The following YIPF1 variants were observed in gnomAD, a reference collection of about 807,000 sequenced individuals.
YIPF1 encodes protein YIPF1.
A neutral mutation model predicts 37.0 loss-of-function variants in YIPF1; 22 were observed. That is an observed-to-expected ratio of 0.59 (90% CI 0.42 to 0.85). YIPF1 has a LOEUF of 0.85. YIPF1 is among the 40% of genes least tolerant of loss of function. The probability of loss-of-function intolerance (pLI) is 0.00; values close to 1 mark genes in which losing one functional copy is unlikely to be tolerated. For missense variants in YIPF1, 355 were observed against 373.1 expected (o/e 0.95, Z 0.40); for synonymous variants, 128 against 131.9 (o/e 0.97, Z 0.21).
In YIPF1 at chr1:53,878,411, C is replaced by T; in HGVS notation, c.277-9G>A. 6.2e-7 allele frequency: 1 copy of T among 1,612,608 alleles called. No individual in the cohort carries two copies. Among genetic ancestry groups the T allele is most frequent in the Non-Finnish European group, 8.5e-7 (1 of 1,179,616 alleles). The stretch of plus-strand genomic sequence containing the variant: ...TTAATTCTGTCAAAGACCTGGAAAA[C>T]ATCATAGCAGTAATTCTACTGAAGT... On this transcript the variant is annotated splice_polypyrimidine_tract_variant and intron_variant, in intron 5 of 10. Coordinates refer to ENST00000072644, the MANE Select transcript of YIPF1 (RefSeq NM_018982.5).
chr1:53,864,034 G>A (rs1345335092), intron 9 of YIPF1, among the ~76,000 whole-genome samples: 2 of 152,182 alleles, frequency 1.3e-5, no homozygotes, highest in African/African-American at 4.8e-5. Context: ...GAGCCACCAA[G>A]CCTGGCCTGA....
At chr1:53,861,218 T>C (rs1392439800) in intron 9 of YIPF1, among the ~76,000 whole-genome samples, 1 of 152,176 alleles carries the variant, frequency 6.6e-6, no homozygotes. Flanking sequence ...TTTAAGAGGC[T>C]TCCTCCTTAG....
intron 10 of YIPF1, among the ~76,000 whole-genome samples, chr1:53,855,827 C>A (rs576310560): frequency 4.5e-4 from 69 of 152,304 alleles, no homozygotes; most frequent in Admixed American, 4.2e-3. Flanking sequence ...CAATGCATGA[C>A]TGTAACTGGA....
At chr1:53,857,132 A>C (rs1649739848) in intron 10 of YIPF1, among the ~76,000 whole-genome samples, 1 of 152,188 alleles carries the variant, frequency 6.6e-6, no homozygotes, top group Admixed American at 6.5e-5. Flanking sequence ...AAGCCACAGG[A>C]ATTGAATCCT....
chr1:53,888,302 T>C (rs1650710110), intron 3 of YIPF1, among the ~76,000 whole-genome samples: 1 of 152,180 alleles, frequency 6.6e-6, no homozygotes, highest in Non-Finnish European at 1.5e-5. Flanking sequence ...AGTCCTAATA[T>C]CTCCTTGAAC....
In YIPF1 at chr1:53,883,381, C is replaced by A. The variant is rs1040943554; in HGVS notation, c.32-105G>T. 2.0e-5 allele frequency: 25 copies of A among 1,257,380 alleles called. No homozygotes were observed. In the East Asian group the frequency reaches 3.3e-4, roughly 17 times the overall value. 77.9% of individuals were successfully genotyped at this position (1,257,380 alleles called of 1,614,324 possible). A position where few individuals can be genotyped will look rare whatever the true frequency, so the allele number is the denominator to read the frequency against. ...GTCACAACCTCAGCTTTGCTATAGA[C>A]CCTACCTGATACAAAGGGCAAAAGC... is the stretch of plus-strand genomic sequence containing the variant. On this transcript the variant is annotated intron_variant, in intron 3 of 10. Coordinates refer to ENST00000072644, the MANE Select transcript of YIPF1 (RefSeq NM_018982.5).
intron 3 of YIPF1, among the ~76,000 whole-genome samples, chr1:53,883,689 G>T (rs748204521): frequency 2.0e-5 from 3 of 152,162 alleles, no homozygotes; most frequent in Non-Finnish European, 4.4e-5. Flanking sequence ...TTTAATGAAG[G>T]TTATTTTTTC....
In YIPF1 at chr1:53,871,358, A is replaced by C; in HGVS notation, c.481+14T>G. The C allele has an allele frequency of 6.2e-7, 1 of 1,607,262 alleles. No homozygotes were observed. The highest frequency in any genetic ancestry group is 1.1e-5 in the South Asian group (1 of 90,734). ...AACTGACAGCATTCCAAATGAGTCAAGCTATTCACCAACCTTTTCGGAATT... is the reference window on the plus strand; with the variant it reads ...AACTGACAGCATTCCAAATGAGTCACGCTATTCACCAACCTTTTCGGAATT... On this transcript the variant is annotated intron_variant, in intron 7 of 10. Transcript: ENST00000072644.
At chr1:53,888,768 C>T (rs1650723409) in intron 3 of YIPF1, 139 bp downstream of exon 3, 10 of 825,828 alleles carry the variant, frequency 1.2e-5, no homozygotes, top group Non-Finnish European at 1.8e-5. Context: ...AAACAGGAAA[C>T]ACCTGGATGT....
intron 10 of YIPF1, among the ~76,000 whole-genome samples, chr1:53,852,612 A>G (rs1448172901): frequency 6.6e-6 from 1 of 152,188 alleles, no homozygotes; most frequent in Non-Finnish European, 1.5e-5. Context: ...AGGAGAAAAG[A>G]TAAGAGTGGA....
chr1:53,878,045 G>A (rs10788965), intron 6 of YIPF1, among the ~76,000 whole-genome samples: 1 of 151,998 alleles, frequency 6.6e-6, no homozygotes, highest in Non-Finnish European at 1.5e-5. Flanking sequence ...GCCTTCCAAA[G>A]TGCTGGGATT....
At chr1:53,867,063 G>A in intron 7 of YIPF1, 139 bp from the exon 8 acceptor site, 1 of 1,024,392 alleles carries the variant, frequency 9.8e-7, no homozygotes, top group Non-Finnish European at 1.4e-6. Flanking sequence ...TTACTGGTCT[G>A]TAATCCCTGA....
intron 9 of YIPF1, among the ~76,000 whole-genome samples, chr1:53,865,432 C>T (rs1311040023): frequency 7.9e-5 from 12 of 152,054 alleles, no homozygotes; most frequent in Non-Finnish European, 1.0e-4. Context: ...TTTTAAAATA[C>T]AGTATAATAA....
chr1:53,859,812 AC>A lies in YIPF1; in HGVS notation c.*8+243del, dbSNP rs35241031. On this transcript the variant is annotated intron_variant, in intron 10 of 10. Transcript: ENST00000072644. ...GGGACCAAAGGCAGGAGCTCCTCTT[AC>A]AGAAGAACCTAAGAGCTCATGTTAT... 6.2e-3 allele frequency among the ~76,000 whole-genome samples: 946 copies of A among 152,346 alleles called. 7 individuals carry two copies. Among genetic ancestry groups the A allele is most frequent in the African/African-American group, 0.021 (876 of 41,576 alleles).
intron 3 of YIPF1, among the ~76,000 whole-genome samples, chr1:53,888,597 C>T (rs994143262): frequency 5.3e-5 from 8 of 152,258 alleles, no homozygotes; most frequent in African/African-American, 1.7e-4. Flanking sequence ...GTATCTTGTA[C>T]GGTTCTAAGC....
At chr1:53,886,555 A>AACCCCCCCCCC (rs1650658017) in intron 3 of YIPF1, 1 of 63,804 alleles carries the variant, frequency 1.6e-5, no homozygotes, top group Non-Finnish European at 3.2e-5. Context: ...TTCATGACCC[A>AACCCCCCCCCC]CCCCCCGCCA....
chr1:53,873,796 C>A (rs1038445127), intron 6 of YIPF1, among the ~76,000 whole-genome samples: 1 of 151,996 alleles, frequency 6.6e-6, no homozygotes, highest in African/African-American at 2.4e-5. Context: ...GAGTTCAAGA[C>A]CAGCCTGGGC....
chr1:53,873,671 A>T (rs2100733661), intron 6 of YIPF1, among the ~76,000 whole-genome samples: 1 of 150,512 alleles, frequency 6.6e-6, no homozygotes, highest in East Asian at 2.0e-4. Context: ...CCTTGGCAAC[A>T]CAGCAAGACC....
intron 9 of YIPF1, among the ~76,000 whole-genome samples, chr1:53,864,847 A>G (rs1054474237): frequency 6.6e-6 from 1 of 152,210 alleles, no homozygotes; most frequent in African/African-American, 2.4e-5. Context: ...TTTACAGGAC[A>G]AGTTCCATGT....
Sources: gnomAD v4.1 joint callset for allele counts (sites outside exome capture counted in the v4.1 genomes callset) on GRCh38, gnomAD v4.1.1 for gene constraint, MANE v1.5 for transcripts, NCBI Gene and HGNC (gene_info 2026-07-23, HGNC 2026-07-21) for gene names.